GOLGA8A: variants seen among roughly 807,000 people sequenced by gnomAD.
GOLGA8A encodes the protein golgin A8 family member A.
A neutral mutation model predicts 22.1 loss-of-function variants in GOLGA8A; 3 were observed. That is an observed-to-expected ratio of 0.14 (90% confidence interval 0.06 to 0.35). The LOEUF (loss-of-function observed/expected upper bound fraction) is 0.35, where lower values mean the gene tolerates loss of function less well. GOLGA8A is among the 10% of genes least tolerant of loss of function. The pLI is 1.00. For missense variants in GOLGA8A, 16 were observed against 233.2 expected (o/e 0.07, Z 6.07); for synonymous variants, 7 against 91.7 (o/e 0.08, Z 5.28).
chr15:34,432,994 G>A (rs968730704), intron 2 of GOLGA8A, among the ~76,000 whole-genome samples: 3 of 148,974 alleles, frequency 2.0e-5, no homozygotes, highest in Non-Finnish European at 4.5e-5. Flanking sequence ...GGCCTCACGC[G>A]GGTATTGCAG....
rs917673843 is a variant in GOLGA8A at position 34,381,122 on chromosome 15, T to G, written c.*289A>C. On this transcript the variant is annotated 3_prime_UTR_variant, in exon 25 of 25. Transcript: ENST00000359187. ...TGCAAAGAGTGGGTCTTTGTGTGTT[T>G]GAACTCCCACCACGTAAGGGCAAAC... 8.1e-6 allele frequency: 4 copies of G among 492,576 alleles called. No homozygotes were observed. Among genetic ancestry groups the G allele is most frequent in the African/African-American group, 7.7e-5 (4 of 51,706 alleles). 30.5% of individuals were successfully genotyped at this position (492,576 alleles called of 1,614,324 possible).
intron 2 of GOLGA8A, among the ~76,000 whole-genome samples, chr15:34,423,426 A>T (rs1892859334): frequency 7.0e-6 from 1 of 142,296 alleles, no homozygotes; most frequent in Non-Finnish European, 1.5e-5. Flanking sequence ...GTTAGCTGGT[A>T]TTGATAGCTG....
In GOLGA8A at chr15:34,436,711, T is replaced by C. The variant is rs79362993; in HGVS notation, c.-1212+687A>G. ...CCTGCTTGGGGACCGGGGGCCTCGA[T>C]GTTCTCCTTCACCATCTGCGGCCAG... is the stretch of plus-strand genomic sequence containing the variant. On this transcript the variant is annotated intron_variant, in intron 1 of 24. Coordinates refer to ENST00000359187, the MANE Select transcript of GOLGA8A (RefSeq NM_181077.5). 1.3e-5 allele frequency among the ~76,000 whole-genome samples: 2 copies of C among 149,196 alleles called. 1 individual carries two copies. Among genetic ancestry groups the C allele is most frequent in the Non-Finnish European group, 3.0e-5 (2 of 67,066 alleles).
chr15:34,434,650 T>A (rs1893413791), intron 2 of GOLGA8A, among the ~76,000 whole-genome samples: 1 of 148,964 alleles, frequency 6.7e-6, no homozygotes, highest in Admixed American at 6.8e-5. Flanking sequence ...AGTCTCCCTG[T>A]GGGCGCTCGG....
chr15:34,434,093 A>G (rs1893380086), intron 2 of GOLGA8A, among the ~76,000 whole-genome samples: 3 of 149,468 alleles, frequency 2.0e-5, no homozygotes, highest in Non-Finnish European at 4.5e-5. Flanking sequence ...ACATGGGCCA[A>G]GATGACAGGT....
chr15:34,383,678 TCCAGTGA>T, intron 18 of GOLGA8A, 61 bp downstream of exon 18: 1 of 133,844 alleles, frequency 7.5e-6, no homozygotes, highest in South Asian at 4.4e-5. Context: ...CCCAGAAAGA[TCCAGTGA>T]CCTATCTTAA....
chr15:34,434,574 G>T lies in GOLGA8A; in HGVS notation c.-1123+809C>A, dbSNP rs1485846610. ...GCAGGCTGCTCTGAGACATGAGCTGGACCCAACCCAGGCGGTGGGCAGCAG... is the reference window on the plus strand; with the variant it reads ...GCAGGCTGCTCTGAGACATGAGCTGTACCCAACCCAGGCGGTGGGCAGCAG... On this transcript the variant is annotated intron_variant, in intron 2 of 24. Coordinates refer to ENST00000359187, the MANE Select transcript of GOLGA8A (RefSeq NM_181077.5). Among the ~76,000 whole-genome samples the T allele has an allele frequency of 2.7e-5, 4 of 148,820 alleles. 1 individual carries two copies. Among genetic ancestry groups the T allele is most frequent in the Admixed American group, 1.4e-4 (2 of 14,798 alleles).
chr15:34,433,625 G>A (rs1390903583), intron 2 of GOLGA8A, among the ~76,000 whole-genome samples: 1 of 148,716 alleles, frequency 6.7e-6, no homozygotes, highest in Admixed American at 6.8e-5. Flanking sequence ...TCTGGGACTC[G>A]GGAAAAGGAG....
In GOLGA8A at chr15:34,379,595, T is replaced by A. The variant is rs1463526421; in HGVS notation, c.*1816A>T. ...CTGTTATTCCATTGGCAAAATCGTA[T>A]TGCTGCTCTCCTGTTAATCTCACAT... On this transcript the variant is annotated 3_prime_UTR_variant, in exon 25 of 25. Transcript: ENST00000359187. 1 of 152,636 alleles carries A rather than the reference T, an allele frequency of 6.6e-6. No homozygotes were observed. The highest frequency in any genetic ancestry group is 6.5e-5 in the Admixed American group (1 of 15,270). 9.5% of individuals were successfully genotyped at this position (152,636 alleles called of 1,614,324 possible). A position where few individuals can be genotyped will look rare whatever the true frequency, so the allele number is the denominator to read the frequency against.
intron 1 of GOLGA8A, 136 bp downstream of exon 1, chr15:34,437,262 T>G (rs1203646473): frequency 1.4e-5 from 2 of 144,322 alleles, no homozygotes; most frequent in Non-Finnish European, 3.1e-5. Flanking sequence ...CCCCGCCGAG[T>G]CCGGGGGGCA....
At chr15:34,427,868 T>C (rs1026238458) in intron 2 of GOLGA8A, among the ~76,000 whole-genome samples, 3 of 148,206 alleles carry the variant, frequency 2.0e-5, no homozygotes, top group Non-Finnish European at 3.0e-5. Context: ...AGAAAAGGCC[T>C]CTCTTCCTGG....
chr15:34,386,162 A>G (rs1452717785), intron 12 of GOLGA8A, among the ~76,000 whole-genome samples: 1 of 147,910 alleles, frequency 6.8e-6, no homozygotes, highest in Non-Finnish European at 1.5e-5. Flanking sequence ...AGAACAGACA[A>G]GAGCCCTTGG....
rs1295061595 is a variant in GOLGA8A, at chr15:34,380,225, A to G, written c.*1186T>C. On this transcript the variant is annotated 3_prime_UTR_variant, in exon 25 of 25. Transcript: ENST00000359187. ...TCAGAGTAACCGAGGTGGTTGAAGA[A>G]TAGGTATTAGCCAGAGAGGTCTAGA... 3 of 152,332 alleles carry G rather than the reference A, an allele frequency of 2.0e-5. No homozygotes were observed. The East Asian group carries it at 5.8e-4, about 29-fold the overall frequency. The allele number at this position is 152,332 out of a possible 1,614,324, so 9.4% of individuals were successfully genotyped here.
At chr15:34,421,559 A>G (rs1306827778) in intron 2 of GOLGA8A, among the ~76,000 whole-genome samples, 1 of 143,340 alleles carries the variant, frequency 7.0e-6, no homozygotes, top group African/African-American at 2.6e-5. Flanking sequence ...AGCAACACAC[A>G]ATGATACAAG....
intron 2 of GOLGA8A, 90 bp downstream of exon 2, chr15:34,435,293 C>G (rs1245434049): frequency 1.3e-5 from 2 of 149,586 alleles, no homozygotes; most frequent in Non-Finnish European, 3.0e-5. Flanking sequence ...TGTTTTTCCT[C>G]TGACTTCCTC....
chr15:34,432,997 T>C lies in GOLGA8A; in HGVS notation c.-1123+2386A>G, dbSNP rs1297887326. 8.4e-4 allele frequency among the ~76,000 whole-genome samples: 125 copies of C among 148,996 alleles called. 8 individuals are homozygous for C. In the South Asian group the frequency reaches 0.014, roughly 17 times the overall value. On this transcript the variant is annotated intron_variant, in intron 2 of 24. Transcript: ENST00000359187. Reference sequence around the variant, plus strand: ...CCACAGGCAAGAGGCCTCACGCGGGTATTGCAGATGCTGAGAAAGACTCTC... The same window carrying C: ...CCACAGGCAAGAGGCCTCACGCGGGCATTGCAGATGCTGAGAAAGACTCTC...
rs1358681742 is a variant in GOLGA8A at position 34,427,362 on chromosome 15, A to G, written c.-1123+8021T>C. ...AAAAAAAAAAAAAAAATTCACCAGA[A>G]GTTCCCAAGGAATTTGCTTCCACAC... On this transcript the variant is annotated intron_variant, in intron 2 of 24. Coordinates refer to ENST00000359187, the MANE Select transcript of GOLGA8A (RefSeq NM_181077.5). Among the ~76,000 whole-genome samples the G allele has an allele frequency of 8.1e-5, 12 of 147,622 alleles. 2 individuals are homozygous for G. The highest frequency in any genetic ancestry group is 3.0e-4 in the African/African-American group (12 of 39,960).
intron 2 of GOLGA8A, among the ~76,000 whole-genome samples, chr15:34,423,644 G>A (rs562084656): frequency 6.7e-6 from 1 of 148,684 alleles, no homozygotes; most frequent in South Asian, 2.2e-4. Flanking sequence ...AACAACTGAG[G>A]ATGACCCTGA....
intron 12 of GOLGA8A, among the ~76,000 whole-genome samples, 163 bp downstream of exon 12, chr15:34,386,462 C>T (rs1008630915): frequency 1.2e-4 from 16 of 128,664 alleles, no homozygotes; most frequent in African/African-American, 4.8e-4. Flanking sequence ...AAAAGAAGAG[C>T]CATGCTGCAT....
Sources: gnomAD v4.1 joint callset for allele counts (sites outside exome capture counted in the v4.1 genomes callset) on GRCh38, gnomAD v4.1.1 for gene constraint, MANE v1.5 for transcripts, NCBI Gene and HGNC (gene_info 2026-07-23, HGNC 2026-07-21) for gene names.